ARK2N: variants seen among roughly 807,000 people sequenced by gnomAD.
The protein encoded by ARK2N is protein ARK2N.
chr18:46,202,212 C>CT, the ARK2N span, among the ~76,000 whole-genome samples: 1 of 152,126 alleles, frequency 6.6e-6, no homozygotes, highest in African/African-American at 2.4e-5. Context: ...ACTGTTGTGT[C>CT]TGTTGGGAGG....
At chr18:46,237,255 A>G in the ARK2N span, among the ~76,000 whole-genome samples, 9 of 152,270 alleles carry the variant, frequency 5.9e-5, no homozygotes, top group Non-Finnish European at 1.2e-4. Flanking sequence ...AGCAGATAAA[A>G]TAACTGCAGA....
At chr18:46,251,529 G>A in the ARK2N span, among the ~76,000 whole-genome samples, 40,987 of 151,798 alleles carry the variant, frequency 0.27, 6,499 homozygotes, top group Middle Eastern at 0.4. Flanking sequence ...GCCATTCTAA[G>A]CATTAAAAAT....
chr18:46,177,431 C>CTTTTTTTTTTTT, the ARK2N span, among the ~76,000 whole-genome samples: 6 of 89,326 alleles, frequency 6.7e-5, no homozygotes, highest in Non-Finnish European at 9.1e-5. Flanking sequence ...TTTTTCTTTA[C>CTTTTTTTTTTTT]TTTTTTTTTT....
At chr18:46,173,979 T>G in the ARK2N span, 1 of 152,176 alleles carries the variant, frequency 6.6e-6, no homozygotes, top group Non-Finnish European at 1.5e-5. Context: ...TCCAGAGGTC[T>G]CCGGCGCAGC....
the ARK2N span, among the ~76,000 whole-genome samples, chr18:46,178,645 G>A: frequency 1.3e-5 from 2 of 152,154 alleles, no homozygotes; most frequent in Non-Finnish European, 2.9e-5. Flanking sequence ...CTGGGGCTAC[G>A]TGCAGTGGCT....
chr18:46,210,903 C>G, the ARK2N span, among the ~76,000 whole-genome samples: 1 of 148,370 alleles, frequency 6.7e-6, no homozygotes, highest in Non-Finnish European at 1.5e-5. Flanking sequence ...AGAGTGAGAC[C>G]CTGTCTTAAA....
chr18:46,227,427 GA>G, the ARK2N span, among the ~76,000 whole-genome samples: 288 of 152,082 alleles, frequency 1.9e-3, 2 homozygotes, highest in Middle Eastern at 0.02. Context: ...GTTTTGAATT[GA>G]AAAATTACTG....
At chr18:46,176,243 C>A in the ARK2N span, among the ~76,000 whole-genome samples, 1 of 152,096 alleles carries the variant, frequency 6.6e-6, no homozygotes, top group Non-Finnish European at 1.5e-5. Flanking sequence ...TTGACACGTG[C>A]ATGAACAGAC....
the ARK2N span, among the ~76,000 whole-genome samples, chr18:46,212,533 A>G: frequency 1.7e-4 from 26 of 152,236 alleles, no homozygotes; most frequent in Admixed American, 1.3e-3. Context: ...CATTTTTTTA[A>G]TGGCCACATT....
At chr18:46,210,239 A>G in the ARK2N span, among the ~76,000 whole-genome samples, 46 of 152,304 alleles carry the variant, frequency 3.0e-4, no homozygotes, top group Middle Eastern at 3.4e-3. Flanking sequence ...GCGGATATGG[A>G]GAATAGTGGA....
At chr18:46,250,725 T>G in the ARK2N span, among the ~76,000 whole-genome samples, 1 of 152,160 alleles carries the variant, frequency 6.6e-6, no homozygotes, top group African/African-American at 2.4e-5. Context: ...GTTCAGTGGC[T>G]TCCTACTTCT....
At chr18:46,178,485 G>C in the ARK2N span, among the ~76,000 whole-genome samples, 37 of 152,208 alleles carry the variant, frequency 2.4e-4, no homozygotes, top group South Asian at 1.9e-3. Context: ...GCTAATTTTT[G>C]TATTTGGTAG....
the ARK2N span, among the ~76,000 whole-genome samples, chr18:46,241,814 A>C: frequency 3.3e-5 from 5 of 151,956 alleles, no homozygotes; most frequent in Admixed American, 3.3e-4. Flanking sequence ...TAAGTTATTT[A>C]TTTATTTATT....
the ARK2N span, chr18:46,266,257 T>G: frequency 6.5e-6 from 1 of 152,682 alleles, no homozygotes; most frequent in Non-Finnish European, 1.5e-5. Context: ...CTTTTTATAC[T>G]GTCACAAAGG....
the ARK2N span, among the ~76,000 whole-genome samples, chr18:46,233,830 T>C: frequency 6.6e-6 from 1 of 152,176 alleles, no homozygotes; most frequent in South Asian, 2.1e-4. Flanking sequence ...AAGTACAAAA[T>C]ACATTCATTT....
the ARK2N span, among the ~76,000 whole-genome samples, chr18:46,226,492 T>A: frequency 6.6e-6 from 1 of 152,188 alleles, no homozygotes; most frequent in African/African-American, 2.4e-5. Flanking sequence ...TGCTAGTGAC[T>A]AAGTTTATTA....
chr18:46,264,414 GA>G, the ARK2N span: 2 of 152,652 alleles, frequency 1.3e-5, no homozygotes, highest in East Asian at 3.8e-4. Context: ...TATTGGCTTA[GA>G]AGACTTCACC....
At chr18:46,254,978 A>G in the ARK2N span, among the ~76,000 whole-genome samples, 1 of 148,100 alleles carries the variant, frequency 6.8e-6, no homozygotes, top group Admixed American at 7.0e-5. Flanking sequence ...CCCATGCCAC[A>G]AGAGTGAAGT....
the ARK2N span, among the ~76,000 whole-genome samples, chr18:46,246,076 C>T: frequency 1.2e-4 from 19 of 152,102 alleles, no homozygotes; most frequent in African/African-American, 3.4e-4. Context: ...ATGGTAATTG[C>T]GGTATTTACA....
Sources: allele counts gnomAD v4.1 joint callset (sites outside exome capture counted in the v4.1 genomes callset), GRCh38; gene constraint gnomAD v4.1.1; transcripts MANE v1.5; gene names NCBI Gene and HGNC (gene_info 2026-07-23, HGNC 2026-07-21).